Variants in DNAH2 observed in about 807,000 individuals in gnomAD.
DNAH2 encodes the protein dynein axonemal heavy chain 2, also known as axonemal beta dynein heavy chain 2.
Under a neutral mutation model 523.5 loss-of-function variants are expected in DNAH2, and 323 were observed. The ratio of observed to expected loss-of-function variants is 0.62; its 90% CI spans 0.56 to 0.68. DNAH2 has a LOEUF of 0.68. Ranked by LOEUF, DNAH2 falls within the 30% of genes least tolerant of loss-of-function variation. DNAH2 has a pLI of 0.00. For missense variants in DNAH2, 4,907 were observed against 5,701.5 expected, an observed-to-expected ratio of 0.86 and a Z score of 4.49; for synonymous variants, 2,093 against 2,177.4, an observed-to-expected ratio of 0.96 and a Z score of 1.08.
At chr17:7,752,964 C>T (rs1269639823) in intron 12 of DNAH2, among the ~76,000 whole-genome samples, 3 of 152,166 alleles carry the variant, frequency 2.0e-5, no homozygotes, top group Non-Finnish European at 2.9e-5. Context: ...CCCACATTTC[C>T]AGATGGCAAC....
Position 7,793,117 on chromosome 17 carries a change from G to C in DNAH2, c.7481G>C (p.Gly2494Ala), listed in dbSNP as rs372223403. The change falls in exon 48 of 86, where the codon GGG becomes GCG. Residue 2494 changes from glycine (G) to alanine (A), a missense_variant. This residue lies in a region of DNAH2 where 250 missense variants were observed against 371.3 expected (regional missense o/e 0.67). Transcript: ENST00000572933. ...AATATGCCCGCTAAGGACATGTTTG[G>C]GTCCCAGCCACCCCTGGAGCTGATC... ...DLNMPAKDMF[G>A]SQPPLELIRL... is the part of the protein sequence containing the mutation. 95 of 1,614,034 alleles carry C rather than the reference G, an allele frequency of 5.9e-5. No individual in the cohort carries two copies. Among genetic ancestry groups the C allele is most frequent in the Non-Finnish European group, 7.7e-5 (91 of 1,180,048 alleles).
In DNAH2 at chr17:7,831,001, T is replaced by G. The variant is rs993755830; in HGVS notation, c.12231-85T>G. ...GAGCAGGGCAGGGAGCTGGACAAAT[T>G]GGACATGCATAGGTTTGGGGTCTTG... On this transcript the variant is annotated intron_variant, in intron 79 of 85. Coordinates refer to ENST00000572933, the MANE Select transcript of DNAH2 (RefSeq NM_020877.5). This position sits in a 1 kb window ranked among gnomAD's most constrained non-coding sequence, Gnocchi z 4.2. 49 of 1,512,304 alleles carry G rather than the reference T, an allele frequency of 3.2e-5. No individual in the cohort carries two copies. The highest frequency in any genetic ancestry group is 4.3e-5 in the Non-Finnish European group (48 of 1,105,190). The allele number at this position is 1,512,304 out of a possible 1,614,324, so 93.7% of individuals were successfully genotyped here.
chr17:7,775,398 C>T lies in DNAH2; in HGVS notation c.4821+56C>T, dbSNP rs191403470. Reference sequence around the variant, plus strand: ...CTGATTCTTCTTCCTACAGAAAGTTCACCTGGGTCGGGCGCAGTGGCTCAC... The same window carrying T: ...CTGATTCTTCTTCCTACAGAAAGTTTACCTGGGTCGGGCGCAGTGGCTCAC... On this transcript the variant is annotated intron_variant, in intron 30 of 85. Coordinates refer to ENST00000572933, the MANE Select transcript of DNAH2 (RefSeq NM_020877.5). 1,420 of 1,538,126 alleles carry T rather than the reference C, an allele frequency of 9.2e-4. 12 individuals carry two copies. The highest frequency in any genetic ancestry group is 2.3e-3 in the Middle Eastern group (11 of 4,690).
chr17:7,755,741 G>A (rs932330025), intron 12 of DNAH2, among the ~76,000 whole-genome samples: 1 of 152,058 alleles, frequency 6.6e-6, no homozygotes, highest in Non-Finnish European at 1.5e-5. Flanking sequence ...GGAGGCCACT[G>A]GATATGAGGT....
intron 61 of DNAH2, among the ~76,000 whole-genome samples, chr17:7,806,180 T>C (rs989924283): frequency 6.6e-6 from 1 of 152,342 alleles, no homozygotes; most frequent in Middle Eastern, 3.4e-3. Context: ...AAATAGACTT[T>C]GTGTTAGATG....
chr17:7,723,873 G>T (rs548562466), intron 3 of DNAH2, among the ~76,000 whole-genome samples, 184 bp downstream of exon 3: 2 of 152,066 alleles, frequency 1.3e-5, no homozygotes, highest in South Asian at 2.1e-4. Context: ...CTGTGCCTTC[G>T]CCAGGACAGA....
intron 2 of DNAH2, among the ~76,000 whole-genome samples, chr17:7,721,456 G>A (rs555535997): frequency 3.3e-5 from 5 of 152,070 alleles, no homozygotes; most frequent in Non-Finnish European, 7.4e-5. Context: ...TTACAGGCGT[G>A]AGCCACCGCA....
intron 73 of DNAH2, among the ~76,000 whole-genome samples, chr17:7,822,098 G>A (rs1465080503): frequency 6.6e-6 from 1 of 152,198 alleles, no homozygotes; most frequent in South Asian, 2.1e-4. Context: ...AGCCTCTGGA[G>A]TAGCTGGGAC....
Position 7,733,123 on chromosome 17 carries a change from C to A in DNAH2, c.436C>A (p.Pro146Thr). 1 of 1,614,166 alleles carries A rather than the reference C, an allele frequency of 6.2e-7. No homozygotes were observed. Among genetic ancestry groups the A allele is most frequent in the South Asian group, 1.1e-5 (1 of 91,074 alleles). ...NQLVYFIRQA[P>T]VPITWENFEA... Reference sequence around the variant, plus strand: ...GCTTGTCTACTTCATTCGCCAAGCACCAGTTCCCATCACCTGGGAGAACTT... The same window carrying A: ...GCTTGTCTACTTCATTCGCCAAGCAACAGTTCCCATCACCTGGGAGAACTT... Residue 146 changes from proline to threonine, a missense_variant, in exon 5 of 86, where the codon CCA becomes ACA. Around this residue, in one of 3 missense-constraint regions of DNAH2, gnomAD observed 2,806 missense variants for 3,190.8 expected, o/e 0.88. Transcript: ENST00000572933.
Position 7,757,211 on chromosome 17 carries a change from G to C in DNAH2, c.2025G>C (p.Leu675=). ...AEDLRILREN[L]LLVARDYNRI... Reference sequence around the variant, plus strand: ...ACCTGCGCATTCTGCGTGAAAATCTGCTACTCGTTGCTAGAGACTACAATA... The same window carrying C: ...ACCTGCGCATTCTGCGTGAAAATCTCCTACTCGTTGCTAGAGACTACAATA... Residue 675 remains leucine, a synonymous_variant, in exon 13 of 86, where the codon CTG becomes CTC. Transcript: ENST00000572933. The C allele has an allele frequency of 6.2e-7, 1 of 1,614,134 alleles. No homozygotes were observed. The highest frequency in any genetic ancestry group is 8.5e-7 in the Non-Finnish European group (1 of 1,180,016).
intron 13 of DNAH2, among the ~76,000 whole-genome samples, chr17:7,757,671 TAGTC>T: frequency 6.6e-6 from 1 of 152,240 alleles, no homozygotes; most frequent in African/African-American, 2.4e-5. Context: ...GGTACTGTCT[TAGTC>T]TGTTTGGGCT....
In DNAH2 at chr17:7,740,495, C is replaced by T. The variant is rs1048143691; in HGVS notation, c.1452C>T (p.Asp484=). The change falls in exon 10 of 86, where the codon GAC becomes GAT. Residue 484 remains aspartate, a synonymous_variant. Coordinates refer to ENST00000572933, the MANE Select transcript of DNAH2 (RefSeq NM_020877.5). The part of the protein sequence containing the change: ...LITSAFELVR[D]VPHGVLLLDT... ...CCTCAGCCTTCGAGTTGGTGCGGGA[C>T]GTGCCGCACGGCGTGCTTCTGCTGG... The T allele has an allele frequency of 3.7e-6, 6 of 1,614,092 alleles. No individual in the cohort carries two copies. The African/African-American group carries it at 4.0e-5, about 11-fold the overall frequency.
Position 7,786,410 on chromosome 17 carries a change from G to A in DNAH2, c.6348+68G>A. 1 of 1,553,182 alleles carries A rather than the reference G, an allele frequency of 6.4e-7. No homozygotes were observed. The highest frequency in any genetic ancestry group is 8.7e-7 in the Non-Finnish European group (1 of 1,146,334). On this transcript the variant is annotated intron_variant, in intron 40 of 85. Transcript: ENST00000572933. The surrounding 1 kb of genome is among the most constrained non-coding windows in gnomAD (Gnocchi z 7.5). ...TAGTAAGAAGACAATGGAGGGTGGG[G>A]GCCAGGGAGGACCTTGCAAGGCCGG...
intron 56 of DNAH2, among the ~76,000 whole-genome samples, chr17:7,800,040 C>A (rs747587748): frequency 2.0e-5 from 3 of 152,180 alleles, no homozygotes; most frequent in Non-Finnish European, 4.4e-5. Context: ...TGGAACCATG[C>A]CGCACTTGTC....
At chr17:7,817,239 C>G (rs568234820) in intron 64 of DNAH2, 51 bp from the exon 65 acceptor site, 1 of 1,566,052 alleles carries the variant, frequency 6.4e-7, no homozygotes, top group Non-Finnish European at 8.6e-7. Context: ...TTCCAAGTGT[C>G]TCCCAGAGTG....
intron 48 of DNAH2, 63 bp downstream of exon 48, chr17:7,793,268 C>G: frequency 1.3e-6 from 2 of 1,537,198 alleles, no homozygotes; most frequent in Non-Finnish European, 1.8e-6. Flanking sequence ...TCAGTCCCCA[C>G]TCCACTGGGG....
At chr17:7,729,054 T>C (rs2074908949) in intron 4 of DNAH2, among the ~76,000 whole-genome samples, 1 of 151,558 alleles carries the variant, frequency 6.6e-6, no homozygotes, top group African/African-American at 2.4e-5. Flanking sequence ...TACCCTTGAA[T>C]ACCTGATAAA....
intron 12 of DNAH2, among the ~76,000 whole-genome samples, chr17:7,744,693 C>T (rs1367945431): frequency 6.6e-6 from 1 of 152,140 alleles, no homozygotes; most frequent in African/African-American, 2.4e-5. Context: ...GAGTTATGGC[C>T]AAGCACAGCC....
intron 12 of DNAH2, among the ~76,000 whole-genome samples, chr17:7,747,094 T>C (rs1017180643): frequency 6.6e-6 from 1 of 151,630 alleles, no homozygotes; most frequent in African/African-American, 2.4e-5. Flanking sequence ...ATCAAAAATA[T>C]ATCCTGCATA....
Sources: allele counts gnomAD v4.1 joint callset (sites outside exome capture counted in the v4.1 genomes callset), GRCh38; gene constraint gnomAD v4.1.1; regional missense constraint gnomAD v4.1.1; non-coding constraint Gnocchi (gnomAD v3.1); transcripts MANE v1.5; gene names NCBI Gene and HGNC (gene_info 2026-07-23, HGNC 2026-07-21).